EXPH5: variants seen among roughly 807,000 people sequenced by gnomAD.
EXPH5 encodes the protein exophilin 5.
Under a neutral mutation model 41.1 loss-of-function variants are expected in EXPH5, and 42 were observed. The ratio of observed to expected loss-of-function variants is 1.02; its 90% CI spans 0.80 to 1.32. EXPH5 has a LOEUF of 1.32. EXPH5 is among the 40% of genes most tolerant of loss of function. EXPH5 has a pLI of 0.00. For missense variants in EXPH5, 2,298 were observed against 2,314.5 expected (o/e 0.99, Z 0.15); for synonymous variants, 798 against 833.5 (o/e 0.96, Z 0.73).
At position 108,548,063 on chromosome 11, in the gene EXPH5, T is replaced by A. The variant is rs552064277; in HGVS notation, c.120-6251A>T. On this transcript the variant is annotated intron_variant, in intron 1 of 5. Coordinates refer to ENST00000265843, the MANE Select transcript of EXPH5 (RefSeq NM_015065.3). ...GGCGGAGGTTGCAGTGAGCCGAGAT[T>A]GCACCACTGCACTCCAGCCTGGGCG... 7.8e-3 allele frequency among the ~76,000 whole-genome samples: 1,121 copies of A among 143,488 alleles called. 9 individuals are homozygous for A. The highest frequency in any genetic ancestry group is 0.027 in the African/African-American group (1,036 of 38,308). 94.1% of individuals were successfully genotyped at this position (143,488 alleles called of 152,430 possible). A position where few individuals can be genotyped will look rare whatever the true frequency, so the allele number is the denominator to read the frequency against.
At position 108,514,212 on chromosome 11, in the gene EXPH5, G is replaced by A. The variant is rs753922820; in HGVS notation, c.1295C>T (p.Pro432Leu). Residue 432 changes from proline to leucine, a missense_variant, in exon 6 of 6, where the codon CCC becomes CTC. Transcript: ENST00000265843. The stretch of plus-strand genomic sequence containing the variant: ...GTCGGGACTCATTGCATTCTCCATG[G>A]GAGCATTTAAACTAACACGTTGGTA... ...NVYQRVSLNA[P>L]MENAMSPDTF... The A allele has an allele frequency of 9.3e-6, 15 of 1,614,182 alleles. No homozygotes were observed. Among genetic ancestry groups the A allele is most frequent in the Middle Eastern group, 1.6e-4 (1 of 6,062 alleles).
chr11:108,521,126 T>G (rs896185001), intron 4 of EXPH5, among the ~76,000 whole-genome samples: 2 of 152,150 alleles, frequency 1.3e-5, no homozygotes, highest in African/African-American at 4.8e-5. Flanking sequence ...ACCCAGTCCT[T>G]GCCTCTTGAA....
chr11:108,594,700 T>A (rs1476214468), upstream of EXPH5, among the ~76,000 whole-genome samples: 1 of 152,264 alleles, frequency 6.6e-6, no homozygotes, highest in East Asian at 1.9e-4. Context: ...CTTAATTTGG[T>A]CATTTTGAAG....
At chr11:108,528,077 C>T (rs1430799103) in intron 4 of EXPH5, 59 bp downstream of exon 4, 1 of 1,108,230 alleles carries the variant, frequency 9.0e-7, no homozygotes, top group Non-Finnish European at 1.4e-6. Flanking sequence ...AGGTAGCCAC[C>T]CTGGGATTAC....
intron 4 of EXPH5, among the ~76,000 whole-genome samples, chr11:108,522,242 T>C (rs1250086632): frequency 6.6e-6 from 1 of 152,078 alleles, no homozygotes; most frequent in Non-Finnish European, 1.5e-5. Context: ...GTATCAGACC[T>C]AAAGATTGAA....
chr11:108,524,626 T>C (rs1377793663), intron 4 of EXPH5, among the ~76,000 whole-genome samples: 1 of 152,218 alleles, frequency 6.6e-6, no homozygotes, highest in Non-Finnish European at 1.5e-5. Flanking sequence ...CAAACCTCTG[T>C]CATAGAGTAG....
At chr11:108,515,331 T>G (rs2093717274) in intron 5 of EXPH5, among the ~76,000 whole-genome samples, 1 of 152,198 alleles carries the variant, frequency 6.6e-6, no homozygotes, top group Non-Finnish European at 1.5e-5. Flanking sequence ...TAATTCCAGC[T>G]GTGTATACCT....
At chr11:108,606,186 A>T in the EXPH5 span, among the ~76,000 whole-genome samples, 1 of 152,076 alleles carries the variant, frequency 6.6e-6, no homozygotes, top group African/African-American at 2.4e-5. Context: ...GAGCCACTGC[A>T]CCCAGCCTCA....
chr11:108,514,053 T>C lies in EXPH5; in HGVS notation c.1454A>G (p.Lys485Arg), dbSNP rs997501533. Residue 485 changes from lysine (K) to arginine (R), a missense_variant, in exon 6 of 6, where the codon AAA becomes AGA. Coordinates refer to ENST00000265843, the MANE Select transcript of EXPH5 (RefSeq NM_015065.3). The part of the protein sequence containing the change: ...FGQGPFWGQE[K>R]GHSFWSDFHR... ...AAAGTCAGACCAGAAAGAATGTCCTTTCTCTTGGCCCCAAAAAGGACCTTG... is the reference window on the plus strand; with the variant it reads ...AAAGTCAGACCAGAAAGAATGTCCTCTCTCTTGGCCCCAAAAAGGACCTTG... 2 of 1,614,170 alleles carry C rather than the reference T, an allele frequency of 1.2e-6. No individual in the cohort carries two copies. Among genetic ancestry groups the C allele is most frequent in the African/African-American group, 1.3e-5 (1 of 75,070 alleles).
chr11:108,557,384 T>G (rs938480375), intron 1 of EXPH5, among the ~76,000 whole-genome samples: 1 of 152,136 alleles, frequency 6.6e-6, no homozygotes, highest in Non-Finnish European at 1.5e-5. Context: ...ATTAACAAGA[T>G]TAAGAAAAGA....
chr11:108,563,729 A>C (rs1414122960), intron 1 of EXPH5, among the ~76,000 whole-genome samples: 18 of 152,212 alleles, frequency 1.2e-4, no homozygotes, highest in Middle Eastern at 3.2e-3. Context: ...ACCCTGGAAC[A>C]GTAAAAAACC....
rs774556133 is a variant in EXPH5, at chr11:108,509,427, C to T, written c.*110G>A. The T allele has an allele frequency of 1.4e-5, 14 of 1,026,126 alleles. No individual in the cohort carries two copies. The highest frequency in any genetic ancestry group is 1.8e-5 in the Non-Finnish European group (13 of 722,374). The allele number at this position is 1,026,126 out of a possible 1,614,324, so 63.6% of individuals were successfully genotyped here. A position where few individuals can be genotyped will look rare whatever the true frequency, so the allele number is the denominator to read the frequency against. ...AAAGGAGATGTGGGACATTTCAGAG[C>T]AGACACTGCCCAGACTAGATCTTTT... is the stretch of plus-strand genomic sequence containing the variant. On this transcript the variant is annotated 3_prime_UTR_variant, in exon 6 of 6. Coordinates refer to ENST00000265843, the MANE Select transcript of EXPH5 (RefSeq NM_015065.3).
Position 108,568,386 on chromosome 11 carries a change from C to G in EXPH5, c.119+25032G>C, listed in dbSNP as rs571604567. Among the ~76,000 whole-genome samples, 5 of 152,182 alleles carry G rather than the reference C, an allele frequency of 3.3e-5. No individual in the cohort carries two copies. In the South Asian group the frequency reaches 8.3e-4, roughly 25 times the overall value. ...GTTCCTGAGAACCAATCGGTTCCCC[C>G]CTCTACTGTCAGGTGGCTGCTCTCA... is the stretch of plus-strand genomic sequence containing the variant. On this transcript the variant is annotated intron_variant, in intron 1 of 5. Coordinates refer to ENST00000265843, the MANE Select transcript of EXPH5 (RefSeq NM_015065.3).
rs190636913 is a variant in EXPH5, at chr11:108,584,196, C to T, written c.119+9222G>A. On this transcript the variant is annotated intron_variant, in intron 1 of 5. Transcript: ENST00000265843. ...TGTATGTATAAATAATTCATTCTGGCTGGGCACAGTGGCTCACACTTATAA... is the reference window on the plus strand; with the variant it reads ...TGTATGTATAAATAATTCATTCTGGTTGGGCACAGTGGCTCACACTTATAA... Among the ~76,000 whole-genome samples, 135 of 152,304 alleles carry T rather than the reference C, an allele frequency of 8.9e-4. 1 individual carries two copies. Among genetic ancestry groups the T allele is most frequent in the African/African-American group, 3.1e-3 (128 of 41,564 alleles).
At chr11:108,583,611 C>T (rs1591759943) in intron 1 of EXPH5, among the ~76,000 whole-genome samples, 1 of 150,892 alleles carries the variant, frequency 6.6e-6, no homozygotes, top group East Asian at 1.9e-4. Context: ...CACTTGAGCC[C>T]GGGAGGTGGA....
intron 1 of EXPH5, among the ~76,000 whole-genome samples, chr11:108,582,770 G>C (rs74745826): frequency 0.039 from 5,954 of 152,282 alleles, 124 homozygotes; most frequent in Middle Eastern, 0.048. Context: ...GTCTGTTCCA[G>C]GCCTCTCTCC....
chr11:108,513,642 G>A lies in EXPH5; in HGVS notation c.1865C>T (p.Thr622Ile). The A allele has an allele frequency of 6.2e-7, 1 of 1,612,278 alleles. No homozygotes were observed. Residue 622 changes from threonine (T) to isoleucine (I), a missense_variant, in exon 6 of 6, where the codon ACT (threonine) becomes ATT (isoleucine). Physicochemically the swap from Thr to Ile is moderately conservative, Grantham distance 89. Coordinates refer to ENST00000265843, the MANE Select transcript of EXPH5 (RefSeq NM_015065.3). Reference sequence around the variant, plus strand: ...GGAAGTTTTGAATGAGGATGCTAGAGTCTGAGCAATTCCAAATGAGGAAGC... The same window carrying A: ...GGAAGTTTTGAATGAGGATGCTAGAATCTGAGCAATTCCAAATGAGGAAGC... The part of the protein sequence containing the change: ...KEASSFGIAQ[T>I]LASSFKTSFS...
chr11:108,506,048 T>A lies in EXPH5; in HGVS notation c.*3489A>T, dbSNP rs555773296. 6.6e-6 allele frequency: 1 copy of A among 152,334 alleles called. No homozygotes were observed. Among genetic ancestry groups the A allele is most frequent in the East Asian group, 1.9e-4 (1 of 5,194 alleles). The allele number at this position is 152,334 out of a possible 1,614,324, so 9.4% of individuals were successfully genotyped here. A position where few individuals can be genotyped will look rare whatever the true frequency, so the allele number is the denominator to read the frequency against. ...AGACTTTACAGTATAAAATTTATGG[T>A]TATAGAAATCTAGTATCTAAACAAG... On this transcript the variant is annotated 3_prime_UTR_variant, in exon 6 of 6. Coordinates refer to ENST00000265843, the MANE Select transcript of EXPH5 (RefSeq NM_015065.3).
At chr11:108,545,515 A>C (rs2093933971) in intron 1 of EXPH5, among the ~76,000 whole-genome samples, 1 of 152,166 alleles carries the variant, frequency 6.6e-6, no homozygotes. Flanking sequence ...CTCAGCACAC[A>C]TTTGAACCCT....
Sources: gnomAD v4.1 joint callset for allele counts (sites outside exome capture counted in the v4.1 genomes callset) on GRCh38, gnomAD v4.1.1 for gene constraint, MANE v1.5 for transcripts, NCBI Gene and HGNC (gene_info 2026-07-23, HGNC 2026-07-21) for gene names.